Variants in SAMD12 observed in about 807,000 individuals in gnomAD.
SAMD12 encodes sterile alpha motif domain containing 12.
Under a neutral mutation model 15.0 loss-of-function variants are expected in SAMD12, and 9 were observed. The observed-to-expected ratio is 0.60, with a 90% CI of 0.36 to 1.05. SAMD12 has a LOEUF of 1.05. SAMD12 is among the 50% of genes least tolerant of loss of function. The pLI, the probability that SAMD12 is intolerant of heterozygous loss-of-function variation, is 0.01. For synonymous variants in SAMD12, 86 were observed against 90.1 expected (o/e 0.96, Z 0.25); for missense variants, 230 against 234.2 (o/e 0.98, Z 0.12).
the SAMD12 span, among the ~76,000 whole-genome samples, chr8:118,183,667 A>G: frequency 2.0e-5 from 3 of 152,244 alleles, no homozygotes; most frequent in East Asian, 5.8e-4. Context: ...ATAATATCTT[A>G]CTATTATTAT....
chr8:118,480,969 G>A (rs1563886033), intron 2 of SAMD12, among the ~76,000 whole-genome samples: 1 of 152,202 alleles, frequency 6.6e-6, no homozygotes, highest in Non-Finnish European at 1.5e-5. Flanking sequence ...TTGAGACAGA[G>A]TTTCACTCTG....
intron 4 of SAMD12, among the ~76,000 whole-genome samples, chr8:118,286,697 G>A (rs923186424): frequency 2.0e-5 from 3 of 152,186 alleles, no homozygotes. Context: ...ACAAGCATGA[G>A]AGGTAGCTGG....
At chr8:118,601,227 T>C (rs1827858222) in intron 1 of SAMD12, among the ~76,000 whole-genome samples, 1 of 152,166 alleles carries the variant, frequency 6.6e-6, no homozygotes, top group Non-Finnish European at 1.5e-5. Flanking sequence ...TAATTTAAAA[T>C]GTAGGGAAAT....
Position 118,320,838 on chromosome 8 carries a change from A to ATATATAT in SAMD12, c.433+58721_433+58722insATATATA, listed in dbSNP as rs779268963. On this transcript the variant is annotated intron_variant, in intron 4 of 4. Transcript: ENST00000409003. The stretch of plus-strand genomic sequence containing the variant: ...TAATAAAAATATATATATATATATA[A>ATATATAT]AAATCTATAACAGAACAATGCATGT... Among the ~76,000 whole-genome samples, 316 of 136,190 alleles carry ATATATAT rather than the reference A, an allele frequency of 2.3e-3. 1 individual carries two copies. The highest frequency in any genetic ancestry group is 3.4e-3 in the African/African-American group (102 of 30,018). 89.3% of individuals were successfully genotyped at this position (136,190 alleles called of 152,430 possible).
chr8:118,358,755 C>T (rs1405094238), intron 4 of SAMD12, among the ~76,000 whole-genome samples: 1 of 151,990 alleles, frequency 6.6e-6, no homozygotes, highest in East Asian at 1.9e-4. Flanking sequence ...ATAAATATAA[C>T]CTAGGAGCAC....
At chr8:118,448,427 G>A (rs142586147) in intron 2 of SAMD12, among the ~76,000 whole-genome samples, 439 of 152,246 alleles carry the variant, frequency 2.9e-3, no homozygotes, top group Non-Finnish European at 5.3e-3. Flanking sequence ...TTCTTAATTT[G>A]CAAAGAATCT....
Position 118,546,450 on chromosome 8 carries a change from G to A in SAMD12, c.192+34265C>T, listed in dbSNP as rs185548726. On this transcript the variant is annotated intron_variant, in intron 2 of 3. Coordinates refer to ENST00000314727, the MANE Select transcript of SAMD12 (RefSeq NM_207506.3). ...TTCCAAGGTCGAGAAGGGGCCCACC[G>A]GGAGGGGAGGCAAACTTGAATCTCA... 5.7e-3 allele frequency among the ~76,000 whole-genome samples: 869 copies of A among 152,128 alleles called. 5 individuals are homozygous for A. Among genetic ancestry groups the A allele is most frequent in the Non-Finnish European group, 6.7e-3 (455 of 68,018 alleles).
At chr8:118,362,554 T>G (rs1173347290) in intron 4 of SAMD12, among the ~76,000 whole-genome samples, 1 of 152,174 alleles carries the variant, frequency 6.6e-6, no homozygotes, top group Non-Finnish European at 1.5e-5. Flanking sequence ...AATACCCAAA[T>G]ACTTAGTTTT....
chr8:118,462,656 C>T (rs1218768401), intron 2 of SAMD12, among the ~76,000 whole-genome samples: 3 of 152,060 alleles, frequency 2.0e-5, no homozygotes, highest in Non-Finnish European at 2.9e-5. Flanking sequence ...AGCAAGCAAG[C>T]GAACCTGACA....
intron 4 of SAMD12, among the ~76,000 whole-genome samples, chr8:118,201,499 G>A (rs966265299): frequency 2.0e-5 from 3 of 152,100 alleles, no homozygotes; most frequent in African/African-American, 7.2e-5. Flanking sequence ...TGTATCCATC[G>A]TTCCTCCTAA....
intron 2 of SAMD12, among the ~76,000 whole-genome samples, chr8:118,557,769 A>C (rs1586817937): frequency 6.6e-6 from 1 of 152,152 alleles, no homozygotes; most frequent in Non-Finnish European, 1.5e-5. Context: ...TCTCCATATT[A>C]CCCTGCCTCT....
At chr8:118,311,108 G>T (rs1815608748) in intron 4 of SAMD12, among the ~76,000 whole-genome samples, 1 of 152,204 alleles carries the variant, frequency 6.6e-6, no homozygotes, top group African/African-American at 2.4e-5. Flanking sequence ...GGCTCAGAAA[G>T]ATTTAGCAAA....
chr8:118,598,639 T>C (rs766099887), intron 1 of SAMD12, among the ~76,000 whole-genome samples: 2 of 152,228 alleles, frequency 1.3e-5, no homozygotes, highest in African/African-American at 4.8e-5. Context: ...ATACCTTACA[T>C]AAATCACTTC....
At chr8:118,582,627 A>G (rs1827324767) in intron 1 of SAMD12, among the ~76,000 whole-genome samples, 1 of 152,174 alleles carries the variant, frequency 6.6e-6, no homozygotes, top group African/African-American at 2.4e-5. Flanking sequence ...AATGATCTTC[A>G]TGAAAAACTC....
At chr8:118,176,366 A>G in the SAMD12 span, among the ~76,000 whole-genome samples, 1 of 152,210 alleles carries the variant, frequency 6.6e-6, no homozygotes, top group Admixed American at 6.5e-5. Flanking sequence ...ATGCATGTGT[A>G]TGTTCATCAC....
chr8:118,483,016 G>A (rs540960187), intron 2 of SAMD12, among the ~76,000 whole-genome samples: 1 of 152,164 alleles, frequency 6.6e-6, no homozygotes, highest in Non-Finnish European at 1.5e-5. Flanking sequence ...TATTTTTAAA[G>A]TATCTGATCT....
chr8:118,590,766 AC>A (rs1370487345), intron 1 of SAMD12, among the ~76,000 whole-genome samples: 17 of 152,246 alleles, frequency 1.1e-4, no homozygotes, highest in African/African-American at 4.1e-4. Context: ...AAGATACCAA[AC>A]TGAAAGACAA....
chr8:118,361,912 TG>T (rs1276986980), intron 4 of SAMD12, among the ~76,000 whole-genome samples: 1 of 152,210 alleles, frequency 6.6e-6, no homozygotes, highest in African/African-American at 2.4e-5. Context: ...CCTGGAGAAC[TG>T]GATTAATAAA....
chr8:118,143,622 T>C, the SAMD12 span, among the ~76,000 whole-genome samples: 2 of 152,178 alleles, frequency 1.3e-5, no homozygotes, highest in East Asian at 1.9e-4. Context: ...CTTCCAAGAA[T>C]GTGAAGCATA....
Sources: allele counts gnomAD v4.1 joint callset (sites outside exome capture counted in the v4.1 genomes callset), GRCh38; gene constraint gnomAD v4.1.1; transcripts MANE v1.5; gene names NCBI Gene and HGNC (gene_info 2026-07-23, HGNC 2026-07-21).